The following SCP2 variants were observed in gnomAD, a reference collection of about 807,000 sequenced individuals.
The protein encoded by SCP2 is SCP-2/3-oxoacyl-CoA thiolase.
In SCP2, 48 loss-of-function variants were observed where a neutral mutation model predicts 71.4. The ratio of observed to expected loss-of-function variants is 0.67; its 90% CI spans 0.53 to 0.86. SCP2 has a LOEUF of 0.86. Among genes scored for constraint, SCP2 ranks in the 40% least tolerant of loss-of-function variants. SCP2 has a pLI of 0.00. For synonymous variants in SCP2, 220 were observed against 218.1 expected (o/e 1.01, Z -0.08); for missense variants, 560 against 655.6 (o/e 0.85, Z 1.59).
At chr1:52,980,986 C>A (rs865966589) in intron 10 of SCP2, among the ~76,000 whole-genome samples, 1 of 152,126 alleles carries the variant, frequency 6.6e-6, no homozygotes, top group South Asian at 2.1e-4. Flanking sequence ...GGCTGGAGTG[C>A]AGTGGTGCAA....
chr1:53,047,846 T>C lies in SCP2; in HGVS notation c.1469-12T>C. The stretch of plus-strand genomic sequence containing the variant: ...TCCTATTCTCCTTCCTTCTCCTGTG[T>C]ATCTGTTTTAGATAAGAAGGCTGAC... On this transcript the variant is annotated splice_polypyrimidine_tract_variant and intron_variant, in intron 14 of 15. Transcript: ENST00000371514. The C allele has an allele frequency of 6.3e-7, 1 of 1,588,694 alleles. No homozygotes were observed. Among genetic ancestry groups the C allele is most frequent in the Non-Finnish European group, 8.6e-7 (1 of 1,156,846 alleles).
chr1:52,975,805 T>C (rs1237200172), intron 7 of SCP2, among the ~76,000 whole-genome samples: 1 of 152,200 alleles, frequency 6.6e-6, no homozygotes, highest in Admixed American at 6.5e-5. Context: ...ATATTGCAAC[T>C]CAATTCTGGC....
chr1:52,995,712 T>C, intron 11 of SCP2: 2 of 758,136 alleles, frequency 2.6e-6, no homozygotes, highest in Admixed American at 3.5e-5. Context: ...AGCAGCTACT[T>C]TGTGGAGTGG....
chr1:52,987,482 T>C (rs1404254284), intron 10 of SCP2, among the ~76,000 whole-genome samples: 1 of 152,192 alleles, frequency 6.6e-6, no homozygotes, highest in African/African-American at 2.4e-5. Flanking sequence ...AATGACCAAA[T>C]GACCAGGAAA....
chr1:52,975,129 A>G (rs1371654369), intron 7 of SCP2, among the ~76,000 whole-genome samples: 1 of 151,646 alleles, frequency 6.6e-6, no homozygotes, highest in Non-Finnish European at 1.5e-5. Flanking sequence ...GCTGCCTGCA[A>G]CCTCTACCTC....
rs1057116199 is a variant in SCP2 at position 52,995,921 on chromosome 1, G to A, written c.1081+7785G>A. 7 of 1,483,864 alleles carry A rather than the reference G, an allele frequency of 4.7e-6. No homozygotes were observed. In the African/African-American group the frequency reaches 5.6e-5, roughly 12 times the overall value. The allele number at this position is 1,483,864 out of a possible 1,614,324, so 91.9% of individuals were successfully genotyped here. A position where few individuals can be genotyped will look rare whatever the true frequency, so the allele number is the denominator to read the frequency against. Reference sequence around the variant, plus strand: ...CATGGATGAGACGAGAGTTCAACAAGGCTGAGAGCAACATGAACGACCTCG... The same window carrying A: ...CATGGATGAGACGAGAGTTCAACAAAGCTGAGAGCAACATGAACGACCTCG... On this transcript the variant is annotated intron_variant, in intron 11 of 15. Coordinates refer to ENST00000371514, the MANE Select transcript of SCP2 (RefSeq NM_002979.5).
chr1:53,027,803 G>A (rs1349014647), intron 12 of SCP2, among the ~76,000 whole-genome samples, 166 bp from the exon 13 acceptor site: 1 of 152,192 alleles, frequency 6.6e-6, no homozygotes, highest in African/African-American at 2.4e-5. Context: ...ATCGCGCCCG[G>A]CCAAGCTTAA....
At chr1:52,960,049 G>T (rs1431116203) in intron 5 of SCP2, among the ~76,000 whole-genome samples, 1 of 151,888 alleles carries the variant, frequency 6.6e-6, no homozygotes, top group African/African-American at 2.4e-5. Flanking sequence ...CTGCCACCAC[G>T]CCCAGCTAAT....
intron 12 of SCP2, among the ~76,000 whole-genome samples, chr1:53,026,532 G>T (rs1318549787): frequency 2.6e-5 from 4 of 151,870 alleles, no homozygotes; most frequent in African/African-American, 9.7e-5. Flanking sequence ...ACGAGGCCAG[G>T]CACAGTGGCT....
chr1:52,946,760 T>TA (rs34417288), intron 2 of SCP2, among the ~76,000 whole-genome samples: 191 of 141,964 alleles, frequency 1.3e-3, no homozygotes, highest in African/African-American at 3.1e-3. Flanking sequence ...TTTATATGTT[T>TA]AAAAAAAAAA....
chr1:52,959,893 A>ATT (rs762724510), intron 5 of SCP2, among the ~76,000 whole-genome samples: 24 of 139,850 alleles, frequency 1.7e-4, no homozygotes, highest in Admixed American at 2.2e-4. Flanking sequence ...CTGATTTTCA[A>ATT]TTTTTTTTTT....
chr1:52,935,743 G>A (rs973265119), intron 1 of SCP2, among the ~76,000 whole-genome samples: 5 of 151,634 alleles, frequency 3.3e-5, no homozygotes, highest in Non-Finnish European at 5.9e-5. Flanking sequence ...TTTGAGACCC[G>A]TCTGGGCAAC....
chr1:52,974,306 C>G (rs570542472), intron 6 of SCP2, among the ~76,000 whole-genome samples: 1 of 152,100 alleles, frequency 6.6e-6, no homozygotes, highest in Admixed American at 6.5e-5. Context: ...TATTTCTTAT[C>G]AGGATATAAC....
intron 6 of SCP2, among the ~76,000 whole-genome samples, chr1:52,969,799 C>T (rs752833619): frequency 2.0e-5 from 3 of 150,002 alleles, no homozygotes; most frequent in Admixed American, 6.7e-5. Flanking sequence ...CCAGCCCGGG[C>T]GGCAGAGCTA....
At chr1:52,942,484 G>A (rs1654342859) in intron 2 of SCP2, among the ~76,000 whole-genome samples, 1 of 152,050 alleles carries the variant, frequency 6.6e-6, no homozygotes, top group Non-Finnish European at 1.5e-5. Context: ...CGACCAGGCT[G>A]CATCTGGCTG....
At chr1:52,930,974 C>G (rs1237068942) in intron 1 of SCP2, among the ~76,000 whole-genome samples, 1 of 152,100 alleles carries the variant, frequency 6.6e-6, no homozygotes. Flanking sequence ...AAAGGAATGT[C>G]TAATCTGGAG....
chr1:53,047,155 C>T (rs1270233692), intron 14 of SCP2, among the ~76,000 whole-genome samples: 1 of 152,248 alleles, frequency 6.6e-6, no homozygotes, highest in Non-Finnish European at 1.5e-5. Context: ...AGCTGGCCCT[C>T]AGCTCCTAAC....
intron 6 of SCP2, among the ~76,000 whole-genome samples, chr1:52,965,670 C>T (rs141704509): frequency 7.2e-4 from 109 of 152,028 alleles, no homozygotes; most frequent in East Asian, 3.1e-3. Flanking sequence ...AGTCTTGCTC[C>T]GTTGCCCAGG....
chr1:53,009,518 A>C (rs1319827769), intron 11 of SCP2, among the ~76,000 whole-genome samples: 1 of 152,206 alleles, frequency 6.6e-6, no homozygotes, highest in Non-Finnish European at 1.5e-5. Flanking sequence ...CAAAAACAAG[A>C]AATGGGGGAA....
Sources: gnomAD v4.1 joint callset for allele counts (sites outside exome capture counted in the v4.1 genomes callset) on GRCh38, gnomAD v4.1.1 for gene constraint, MANE v1.5 for transcripts, NCBI Gene and HGNC (gene_info 2026-07-23, HGNC 2026-07-21) for gene names.